Variants in KIF18A observed in about 807,000 individuals in gnomAD.
The protein encoded by KIF18A is kinesin-like protein KIF18A.
Under a neutral mutation model 103.3 loss-of-function variants are expected in KIF18A, and 67 were observed. That is an observed-to-expected ratio of 0.65 (90% CI 0.53 to 0.79). The LOEUF is 0.79. Ranked by LOEUF, KIF18A falls within the 30% of genes least tolerant of loss-of-function variation. The probability of loss-of-function intolerance (pLI) is 0.00; values close to 1 mark genes in which losing one functional copy is unlikely to be tolerated. For synonymous variants in KIF18A, 367 were observed against 355.5 expected (o/e 1.03, Z -0.36); for missense variants, 1,032 against 1,062.5 (o/e 0.97, Z 0.40).
At chr11:28,067,042 T>A (rs774421746) in intron 11 of KIF18A, among the ~76,000 whole-genome samples, 1 of 151,844 alleles carries the variant, frequency 6.6e-6, no homozygotes, top group Non-Finnish European at 1.5e-5. Context: ...AATTAAGACA[T>A]CAATGTTAAA....
At chr11:28,103,258 CATT>C (rs747203286) in intron 1 of KIF18A, among the ~76,000 whole-genome samples, 1 of 150,298 alleles carries the variant, frequency 6.7e-6, no homozygotes, top group African/African-American at 2.5e-5. Context: ...AGGAAATGCT[CATT>C]AGAGTATTTT....
chr11:28,045,183 GA>G (rs995353063), intron 13 of KIF18A, among the ~76,000 whole-genome samples: 2 of 151,880 alleles, frequency 1.3e-5, no homozygotes, highest in African/African-American at 4.8e-5. Flanking sequence ...AAAAAGACTT[GA>G]AAAAAGTTTG....
intron 5 of KIF18A, among the ~76,000 whole-genome samples, chr11:28,089,186 G>T (rs1474579854): frequency 2.0e-5 from 3 of 152,096 alleles, no homozygotes; most frequent in Admixed American, 6.6e-5. Context: ...CCCCAAACCT[G>T]TATATGTCCT....
At chr11:28,052,814 A>G (rs569254429) in intron 13 of KIF18A, among the ~76,000 whole-genome samples, 1 of 152,154 alleles carries the variant, frequency 6.6e-6, no homozygotes, top group Non-Finnish European at 1.5e-5. Context: ...TGTTGAATGA[A>G]TGAAAAAAAA....
chr11:28,083,313 A>G, intron 7 of KIF18A, 70 bp from the exon 8 acceptor site: 1 of 1,432,986 alleles, frequency 7.0e-7, no homozygotes, highest in Non-Finnish European at 9.2e-7. Flanking sequence ...CATGAATAAC[A>G]TGACATTGCA....
chr11:28,078,476 T>A (rs1241908284), intron 9 of KIF18A, among the ~76,000 whole-genome samples: 1 of 152,128 alleles, frequency 6.6e-6, no homozygotes, highest in Non-Finnish European at 1.5e-5. Flanking sequence ...GGTGGTGGTG[T>A]TCACTGATTA....
At chr11:28,104,349 C>T (rs954577630) in intron 1 of KIF18A, among the ~76,000 whole-genome samples, 5 of 152,194 alleles carry the variant, frequency 3.3e-5, no homozygotes, top group Non-Finnish European at 5.9e-5. Flanking sequence ...ATGACTTCTA[C>T]TGCTGTCTCC....
intron 3 of KIF18A, among the ~76,000 whole-genome samples, chr11:28,094,219 C>G (rs756837952): frequency 1.8e-4 from 28 of 152,066 alleles, no homozygotes; most frequent in African/African-American, 2.4e-5. Context: ...AAATAACTAG[C>G]AAAATCTCAC....
At chr11:28,076,728 G>A (rs1851094734) in intron 10 of KIF18A, 2 of 172,278 alleles carry the variant, frequency 1.2e-5, no homozygotes, top group African/African-American at 4.8e-5. Context: ...GAAGTCAGGA[G>A]TTCAAGACTA....
At chr11:28,084,199 A>T (rs1851199076) in intron 7 of KIF18A, 1 of 152,144 alleles carries the variant, frequency 6.6e-6, no homozygotes, top group Non-Finnish European at 1.5e-5. Flanking sequence ...TATTTTACAG[A>T]TGAAATAATA....
At chr11:28,075,305 G>A (rs979859674) in intron 10 of KIF18A, among the ~76,000 whole-genome samples, 20 of 152,152 alleles carry the variant, frequency 1.3e-4, no homozygotes, top group African/African-American at 4.8e-4. Flanking sequence ...GCATGCTGCA[G>A]ATCAAATCAG....
intron 1 of KIF18A, 81 bp from the exon 2 acceptor site, chr11:28,098,074 A>G: frequency 2.9e-6 from 2 of 698,382 alleles, no homozygotes; most frequent in Non-Finnish European, 2.3e-6. Flanking sequence ...ATTCATTCAA[A>G]AAAGATGTTA....
In KIF18A at chr11:28,021,229, T is replaced by C; in HGVS notation, c.2668A>G (p.Arg890Gly). 6.6e-7 allele frequency: 1 copy of C among 1,505,148 alleles called. No homozygotes were observed. Among genetic ancestry groups the C allele is most frequent in the Non-Finnish European group, 8.9e-7 (1 of 1,121,174 alleles). The allele number at this position is 1,505,148 out of a possible 1,614,324, so 93.2% of individuals were successfully genotyped here. ...CTTAGATTTCCTTTTGAAATATTTC[T>C]TCCAAATTTTCTAACCATGCTTGGA... ...INPSMVRKFG[R>G]NISKGNLR The change falls in exon 17 of 17, where the codon AGA becomes GGA. Residue 890 changes from arginine to glycine, a missense_variant. Arg to Gly is a moderately radical substitution (Grantham distance 125, BLOSUM62 -2). Coordinates refer to ENST00000263181, the MANE Select transcript of KIF18A (RefSeq NM_031217.4).
At chr11:28,045,684 G>T (rs1437657151) in intron 13 of KIF18A, among the ~76,000 whole-genome samples, 2 of 152,068 alleles carry the variant, frequency 1.3e-5, no homozygotes, top group Non-Finnish European at 2.9e-5. Context: ...GGTGTTGTAA[G>T]TGAGCTAATT....
chr11:28,022,056 T>C (rs1399828154), intron 16 of KIF18A, among the ~76,000 whole-genome samples: 1 of 152,204 alleles, frequency 6.6e-6, no homozygotes, highest in African/African-American at 2.4e-5. Flanking sequence ...ACTGGTTTAA[T>C]ACATTTTTCA....
chr11:28,057,768 T>C (rs1427306272), intron 13 of KIF18A, among the ~76,000 whole-genome samples: 3 of 152,150 alleles, frequency 2.0e-5, no homozygotes, highest in Non-Finnish European at 2.9e-5. Context: ...TGATGTACTG[T>C]TCACTAATAG....
rs1851398273 is a variant in KIF18A at position 28,098,011 on chromosome 11, A to G, written c.-46-18T>C. ...ATACTTCTCTGAAATTAAAAAAGAA[A>G]ATAAAGTTTTAATATCAGTTTTTAC... On this transcript the variant is annotated intron_variant, in intron 1 of 16. Transcript: ENST00000263181. 2.4e-6 allele frequency: 3 copies of G among 1,271,694 alleles called. No individual in the cohort carries two copies. In the East Asian group the frequency reaches 7.2e-5, roughly 30 times the overall value. 78.8% of individuals were successfully genotyped at this position (1,271,694 alleles called of 1,614,324 possible).
chr11:28,077,667 G>A (rs1851111611), intron 9 of KIF18A, among the ~76,000 whole-genome samples: 1 of 152,168 alleles, frequency 6.6e-6, no homozygotes, highest in South Asian at 2.1e-4. Flanking sequence ...TGGCCCCCTA[G>A]GGAAAGTGAC....
chr11:28,081,775 T>C (rs1389633526), intron 9 of KIF18A, among the ~76,000 whole-genome samples: 1 of 152,178 alleles, frequency 6.6e-6, no homozygotes, highest in Non-Finnish European at 1.5e-5. Flanking sequence ...AGATACTTTC[T>C]TTCATGGATC....
Sources: allele counts gnomAD v4.1 joint callset (sites outside exome capture counted in the v4.1 genomes callset), GRCh38; gene constraint gnomAD v4.1.1; transcripts MANE v1.5; gene names NCBI Gene and HGNC (gene_info 2026-07-23, HGNC 2026-07-21).